The following KIAA1328 variants were observed in gnomAD, a reference collection of about 807,000 sequenced individuals.
The protein encoded by KIAA1328 is protein hinderin.
A neutral mutation model predicts 68.1 loss-of-function variants in KIAA1328; 52 were observed. The ratio of observed to expected loss-of-function variants is 0.76; its 90% CI spans 0.61 to 0.96. KIAA1328 has a LOEUF of 0.96. KIAA1328 is among the 40% of genes least tolerant of loss of function. KIAA1328 has a pLI of 0.00. For missense variants in KIAA1328, 641 were observed against 677.6 expected, an observed-to-expected ratio of 0.95 and a Z score of 0.60; for synonymous variants, 232 against 239.4, an observed-to-expected ratio of 0.97 and a Z score of 0.28.
chr18:36,878,217 T>C (rs1245857977), intron 4 of KIAA1328, among the ~76,000 whole-genome samples: 2 of 152,200 alleles, frequency 1.3e-5, no homozygotes, highest in East Asian at 3.9e-4. Flanking sequence ...AAGGCAGGCC[T>C]GGTGGTGACA....
chr18:37,064,581 G>A (rs1040840930), intron 6 of KIAA1328, among the ~76,000 whole-genome samples: 1 of 140,180 alleles, frequency 7.1e-6, no homozygotes, highest in Non-Finnish European at 1.5e-5. Flanking sequence ...CGAATGTCAC[G>A]TTATGTGTCA....
chr18:37,193,450 G>T, intron 9 of KIAA1328: 1 of 616,674 alleles, frequency 1.6e-6, no homozygotes, highest in Non-Finnish European at 2.9e-6. Context: ...TTAGAGTTAG[G>T]TCAAATGTTG....
intron 6 of KIAA1328, among the ~76,000 whole-genome samples, chr18:36,974,492 C>T (rs1215396358): frequency 1.3e-5 from 2 of 151,952 alleles, no homozygotes; most frequent in African/African-American, 2.4e-5. Context: ...TCTTTTTTTG[C>T]GGATGAATAG....
intron 4 of KIAA1328, among the ~76,000 whole-genome samples, chr18:36,847,753 A>C (rs2047076166): frequency 6.6e-6 from 1 of 151,618 alleles, no homozygotes; most frequent in Non-Finnish European, 1.5e-5. Flanking sequence ...AGTTCAGTTT[A>C]TCAATTTTTT....
chr18:37,165,398 T>TA (rs2059366234), intron 8 of KIAA1328, among the ~76,000 whole-genome samples: 1 of 151,634 alleles, frequency 6.6e-6, no homozygotes, highest in Non-Finnish European at 1.5e-5. Context: ...GGGTTTTTTT[T>TA]ATTTTTATTT....
chr18:36,835,166 G>C, intron 2 of KIAA1328, 68 bp from the exon 3 acceptor site: 1 of 1,368,146 alleles, frequency 7.3e-7, no homozygotes, highest in East Asian at 2.4e-5. Flanking sequence ...TCCAAGGAAG[G>C]AGTTGATGGG....
intron 5 of KIAA1328, among the ~76,000 whole-genome samples, chr18:36,925,814 C>T (rs2050094858): frequency 6.6e-6 from 1 of 151,886 alleles, no homozygotes; most frequent in African/African-American, 2.4e-5. Flanking sequence ...GCTTGGATTA[C>T]AGGCGTAAGC....
intron 6 of KIAA1328, among the ~76,000 whole-genome samples, chr18:36,969,956 G>A (rs1265041193): frequency 7.9e-5 from 12 of 151,868 alleles, no homozygotes; most frequent in East Asian, 1.9e-4. Context: ...AACTCATTTT[G>A]TGAGGCCAGC....
chr18:37,078,945 A>G (rs1300536284), intron 7 of KIAA1328, among the ~76,000 whole-genome samples: 1 of 151,996 alleles, frequency 6.6e-6, no homozygotes, highest in Non-Finnish European at 1.5e-5. Flanking sequence ...ATCTAGAACT[A>G]GAAATACCAT....
At position 36,883,969 on chromosome 18, in the gene KIAA1328, T is replaced by TATATATATATATATATATATATATAC. The variant is rs1032694969; in HGVS notation, c.333-1587_333-1586insTATATATATATATATATATATATACA. On this transcript the variant is annotated intron_variant, in intron 4 of 9. Coordinates refer to ENST00000280020, the MANE Select transcript of KIAA1328 (RefSeq NM_020776.3). ...TTTATAAAGTATATATATATATATA[T>TATATATATATATATATATATATATAC]ACACACACAGTGTCAAATATTTATG... Among the ~76,000 whole-genome samples the TATATATATATATATATATATATATAC allele has an allele frequency of 1.3e-4, 19 of 148,802 alleles. 1 individual carries two copies. The highest frequency in any genetic ancestry group is 4.2e-4 in the African/African-American group (17 of 40,386).
chr18:36,927,244 C>A (rs1377740309), intron 5 of KIAA1328, among the ~76,000 whole-genome samples: 1 of 152,108 alleles, frequency 6.6e-6, no homozygotes, highest in Non-Finnish European at 1.5e-5. Flanking sequence ...ATGTAAGATA[C>A]TAATGATAGA....
chr18:37,021,866 G>A (rs548152361), intron 6 of KIAA1328, among the ~76,000 whole-genome samples: 150 of 151,910 alleles, frequency 9.9e-4, no homozygotes, highest in African/African-American at 3.5e-3. Flanking sequence ...GTGGAACCCC[G>A]TCTCTACCAA....
chr18:36,879,628 C>T (rs1427052398), intron 4 of KIAA1328, among the ~76,000 whole-genome samples: 1 of 152,226 alleles, frequency 6.6e-6, no homozygotes, highest in African/African-American at 2.4e-5. Flanking sequence ...GTTGCGCCCA[C>T]AGCCACCCCT....
At chr18:37,002,117 T>G (rs2053605971) in intron 6 of KIAA1328, among the ~76,000 whole-genome samples, 1 of 151,854 alleles carries the variant, frequency 6.6e-6, no homozygotes, top group Non-Finnish European at 1.5e-5. Context: ...ACCTGAAGAC[T>G]CCATCAAAAA....
chr18:36,875,790 T>C (rs1026654251), intron 4 of KIAA1328, among the ~76,000 whole-genome samples: 1 of 152,242 alleles, frequency 6.6e-6, no homozygotes, highest in African/African-American at 2.4e-5. Context: ...ATCAGTATGA[T>C]ATTGGCTATG....
At chr18:36,942,848 G>A (rs2050764175) in intron 5 of KIAA1328, among the ~76,000 whole-genome samples, 1 of 152,114 alleles carries the variant, frequency 6.6e-6, no homozygotes, top group African/African-American at 2.4e-5. Context: ...TAATAAAAGG[G>A]AGATTTAACA....
chr18:37,145,112 A>G (rs1353527070), intron 7 of KIAA1328, among the ~76,000 whole-genome samples: 1 of 152,078 alleles, frequency 6.6e-6, no homozygotes, highest in Non-Finnish European at 1.5e-5. Context: ...GTACATGCCT[A>G]TAGCCCTAGC....
intron 7 of KIAA1328, among the ~76,000 whole-genome samples, chr18:37,130,575 T>G (rs323305): frequency 0.27 from 40,465 of 151,444 alleles, 8,484 homozygotes; most frequent in African/African-American, 0.59. Flanking sequence ...CCAAGATTGC[T>G]CCACTGCACT....
intron 6 of KIAA1328, among the ~76,000 whole-genome samples, chr18:36,994,029 G>T (rs1468455283): frequency 1.3e-5 from 2 of 151,338 alleles, no homozygotes; most frequent in Non-Finnish European, 2.9e-5. Flanking sequence ...TACAACAATT[G>T]TGAGAAACTG....
Sources: gnomAD v4.1 joint callset for allele counts (sites outside exome capture counted in the v4.1 genomes callset) on GRCh38, gnomAD v4.1.1 for gene constraint, MANE v1.5 for transcripts, NCBI Gene and HGNC (gene_info 2026-07-23, HGNC 2026-07-21) for gene names.